The following MAF variants were observed in gnomAD, a reference collection of about 807,000 sequenced individuals.
The protein encoded by MAF is transcription factor Maf.
MAF carries 10 observed loss-of-function variants against 22.0 expected under a neutral mutation model. That is an observed-to-expected ratio of 0.45 (90% CI 0.28 to 0.77). MAF has a LOEUF of 0.77. Ranked by LOEUF, MAF falls within the 30% of genes least tolerant of loss-of-function variation. The pLI, the probability that MAF is intolerant of heterozygous loss-of-function variation, is 0.12. For missense variants in MAF, 544 were observed against 548.4 expected (o/e 0.99, Z 0.08); for synonymous variants, 337 against 255.8 (o/e 1.32, Z -3.03).
chr16:79,227,232 T>A, the MAF span, among the ~76,000 whole-genome samples: 15 of 151,998 alleles, frequency 9.9e-5, no homozygotes, highest in African/African-American at 3.6e-4. Flanking sequence ...ACACCTGTGG[T>A]CCCAGCTACT....
At chr16:79,402,373 A>G in the MAF span, among the ~76,000 whole-genome samples, 10 of 152,196 alleles carry the variant, frequency 6.6e-5, no homozygotes, top group Non-Finnish European at 1.2e-4. Flanking sequence ...TGGCTTGGAA[A>G]TGGGGAGCAG....
At chr16:79,457,645 G>T in the MAF span, among the ~76,000 whole-genome samples, 1 of 152,134 alleles carries the variant, frequency 6.6e-6, no homozygotes, top group Non-Finnish European at 1.5e-5. Context: ...TCACCCAGAA[G>T]TAAGAGACAG....
chr16:79,547,529 TA>T, the MAF span, among the ~76,000 whole-genome samples: 20 of 151,170 alleles, frequency 1.3e-4, no homozygotes, highest in African/African-American at 2.4e-4. Context: ...AAAAATATAC[TA>T]AAAAAAAACC....
chr16:79,337,685 G>C, the MAF span, among the ~76,000 whole-genome samples: 1 of 152,198 alleles, frequency 6.6e-6, no homozygotes, highest in African/African-American at 2.4e-5. Flanking sequence ...GAAAGCAGCA[G>C]GTGCTCACAC....
intron 1 of MAF, chr16:79,595,524 T>A: frequency 9.4e-7 from 1 of 1,060,050 alleles, no homozygotes; most frequent in Non-Finnish European, 1.1e-6. Context: ...TAGGGGAAGA[T>A]GACTAAGAGT....
chr16:79,570,869 G>C, the MAF span, among the ~76,000 whole-genome samples: 449 of 152,308 alleles, frequency 2.9e-3, 3 homozygotes, highest in Non-Finnish European at 4.5e-3. Context: ...TGTGCTAAAT[G>C]CTGAGCGTAA....
At chr16:79,428,849 AAATAAT>A in the MAF span, among the ~76,000 whole-genome samples, 2 of 146,642 alleles carry the variant, frequency 1.4e-5, no homozygotes, top group Non-Finnish European at 1.5e-5. Flanking sequence ...TGTCTCAGAA[AAATAAT>A]AATAATAATA....
chr16:79,506,399 G>C, the MAF span, among the ~76,000 whole-genome samples: 2 of 152,184 alleles, frequency 1.3e-5, no homozygotes, highest in East Asian at 3.9e-4. Flanking sequence ...CAACCTCAGA[G>C]TGTGTGCCCA....
At chr16:79,535,165 C>G in the MAF span, among the ~76,000 whole-genome samples, 259 of 152,260 alleles carry the variant, frequency 1.7e-3, 1 homozygote, top group African/African-American at 5.9e-3. Flanking sequence ...GTGGCTTTAA[C>G]TGACAGAGGT....
the MAF span, among the ~76,000 whole-genome samples, chr16:79,264,040 G>A: frequency 0.29 from 43,389 of 151,990 alleles, 6,677 homozygotes; most frequent in African/African-American, 0.35. Context: ...AGACACATCC[G>A]CTGTGTCTGT....
chr16:79,212,315 C>T, the MAF span: 1 of 844,502 alleles, frequency 1.2e-6, no homozygotes, highest in Admixed American at 3.0e-5. Context: ...GGAGACAAAT[C>T]TCAGAACCTT....
chr16:79,408,078 C>CAAAAAAAAAAAA, the MAF span, among the ~76,000 whole-genome samples: 5 of 81,554 alleles, frequency 6.1e-5, no homozygotes, highest in African/African-American at 2.5e-4. Flanking sequence ...TTTTACCTTT[C>CAAAAAAAAAAAA]AAAAAAAAAA....
the MAF span, among the ~76,000 whole-genome samples, chr16:79,325,517 G>C: frequency 2.0e-5 from 3 of 151,934 alleles, no homozygotes; most frequent in South Asian, 2.1e-4. Context: ...TTTGAATGTG[G>C]ATGGGCTGTC....
the MAF span, among the ~76,000 whole-genome samples, chr16:79,363,913 T>C: frequency 6.6e-6 from 1 of 152,132 alleles, no homozygotes; most frequent in Non-Finnish European, 1.5e-5. Context: ...TAAGGGTAGT[T>C]GAGTTGGAGG....
chr16:79,437,418 G>A, the MAF span, among the ~76,000 whole-genome samples: 1 of 152,110 alleles, frequency 6.6e-6, no homozygotes, highest in Admixed American at 6.5e-5. Context: ...GTACAGGTGT[G>A]GGACACAGCC....
At chr16:79,398,268 A>T in the MAF span, among the ~76,000 whole-genome samples, 1 of 152,194 alleles carries the variant, frequency 6.6e-6, no homozygotes, top group African/African-American at 2.4e-5. Context: ...CAGCAAGATA[A>T]TCCAGGATAA....
Position 79,598,704 on chromosome 16 carries a change from G to T in MAF, c.1118+81C>A, listed in dbSNP as rs1415302760. 2.5e-6 allele frequency: 4 copies of T among 1,593,214 alleles called. No individual in the cohort carries two copies. The African/African-American group carries it at 4.0e-5, about 16-fold the overall frequency. On this transcript the variant is annotated intron_variant, in intron 1 of 1. Coordinates refer to ENST00000326043, the MANE Select transcript of MAF (RefSeq NM_005360.5). ...TGAGGTGGTGGCGAGCATGGCTCTA[G>T]AACTAGCAAGCCCACACCCGAGCCG...
the MAF span, among the ~76,000 whole-genome samples, chr16:79,209,831 G>C: frequency 2.6e-5 from 4 of 152,194 alleles, no homozygotes; most frequent in Admixed American, 1.3e-4. Context: ...AGATAAATGT[G>C]CCAGGTGCTA....
the MAF span, among the ~76,000 whole-genome samples, chr16:79,501,081 C>T: frequency 3.6e-4 from 55 of 152,196 alleles, no homozygotes; most frequent in East Asian, 1.4e-3. Context: ...AAATGTATTC[C>T]CTCCCAGTTC....
Sources: allele counts gnomAD v4.1 joint callset (sites outside exome capture counted in the v4.1 genomes callset), GRCh38; gene constraint gnomAD v4.1.1; transcripts MANE v1.5; gene names NCBI Gene and HGNC (gene_info 2026-07-23, HGNC 2026-07-21).